Variants in CDKAL1 observed in about 807,000 individuals in gnomAD.
CDKAL1 encodes the protein CDKAL1 threonylcarbamoyladenosine tRNA methylthiotransferase, also known as threonylcarbamoyladenosine tRNA methylthiotransferase.
In CDKAL1, 32 loss-of-function variants were observed where a neutral mutation model predicts 68.2. That is an observed-to-expected ratio of 0.47 (90% CI 0.35 to 0.63). The LOEUF (loss-of-function observed/expected upper bound fraction) is 0.63, where lower values mean the gene tolerates loss of function less well. CDKAL1 is among the 30% of genes least tolerant of loss of function. The pLI is 0.00. For synonymous variants in CDKAL1, 234 were observed against 244.3 expected, an observed-to-expected ratio of 0.96 and a Z score of 0.39; for missense variants, 606 against 696.7, an observed-to-expected ratio of 0.87 and a Z score of 1.47.
Position 21,178,842 on chromosome 6 carries a change from G to A in CDKAL1, c.1300-19179G>A, listed in dbSNP as rs1207282456. ...AGAGGACTTACCTAAGCACAGGAGG[G>A]CTTGAAGCCGAACTCCAACCTCTGC... On this transcript the variant is annotated intron_variant, in intron 13 of 15. Coordinates refer to ENST00000274695, the MANE Select transcript of CDKAL1 (RefSeq NM_017774.3). Among the ~76,000 whole-genome samples the A allele has an allele frequency of 2.0e-5, 3 of 152,330 alleles. No homozygotes were observed. In the East Asian group the frequency reaches 5.8e-4, roughly 29 times the overall value.
At chr6:20,724,201 G>A (rs775616081) in intron 5 of CDKAL1, among the ~76,000 whole-genome samples, 2 of 152,006 alleles carry the variant, frequency 1.3e-5, no homozygotes, top group Non-Finnish European at 2.9e-5. Flanking sequence ...GCCTCCCAAA[G>A]TGCTGGGATT....
intron 5 of CDKAL1, among the ~76,000 whole-genome samples, chr6:20,708,573 T>C (rs1458956069): frequency 6.6e-6 from 1 of 152,174 alleles, no homozygotes; most frequent in Non-Finnish European, 1.5e-5. Context: ...TGGTTTGAAG[T>C]AGGTTTTTTA....
At chr6:20,827,608 A>G (rs553866434) in intron 8 of CDKAL1, among the ~76,000 whole-genome samples, 1 of 150,926 alleles carries the variant, frequency 6.6e-6, no homozygotes, top group Non-Finnish European at 1.5e-5. Context: ...TTTTAGACAT[A>G]AAAAAAAAGG....
intron 9 of CDKAL1, among the ~76,000 whole-genome samples, chr6:20,858,804 G>A (rs934308719): frequency 6.6e-6 from 1 of 151,980 alleles, no homozygotes; most frequent in African/African-American, 2.4e-5. Context: ...TGTAATGTAT[G>A]TAATGTATGA....
intron 10 of CDKAL1, among the ~76,000 whole-genome samples, chr6:20,995,648 C>T (rs201341): frequency 0.096 from 14,587 of 152,190 alleles, 807 homozygotes; most frequent in Middle Eastern, 0.16. Flanking sequence ...CATGTGCTCT[C>T]ACCAGGCTTT....
At chr6:20,758,729 C>A in intron 7 of CDKAL1, 86 bp downstream of exon 7, 3 of 941,386 alleles carry the variant, frequency 3.2e-6, no homozygotes, top group Non-Finnish European at 4.8e-6. Flanking sequence ...TTGCCAGGCA[C>A]CTTTATAAAA....
chr6:20,741,015 G>T (rs1415267864), intron 6 of CDKAL1, among the ~76,000 whole-genome samples: 1 of 152,090 alleles, frequency 6.6e-6, no homozygotes, highest in African/African-American at 2.4e-5. Context: ...TCATCTCAAG[G>T]AATTACGTTA....
At chr6:20,728,544 T>C (rs1772757908) in intron 5 of CDKAL1, among the ~76,000 whole-genome samples, 1 of 152,158 alleles carries the variant, frequency 6.6e-6, no homozygotes, top group Non-Finnish European at 1.5e-5. Flanking sequence ...TGGAGCTTGG[T>C]AACCCCTAGC....
chr6:20,536,822 A>G (rs1763191512), intron 2 of CDKAL1, among the ~76,000 whole-genome samples: 1 of 152,230 alleles, frequency 6.6e-6, no homozygotes, highest in African/African-American at 2.4e-5. Context: ...AAAAACTGAA[A>G]AAGAAAAAAT....
At chr6:20,919,149 G>A (rs1227534066) in intron 9 of CDKAL1, among the ~76,000 whole-genome samples, 1 of 152,120 alleles carries the variant, frequency 6.6e-6, no homozygotes, top group African/African-American at 2.4e-5. Flanking sequence ...AGTCAGGATG[G>A]GGTCTACAGC....
chr6:21,118,154 A>C (rs1434368761), intron 13 of CDKAL1, among the ~76,000 whole-genome samples: 1 of 152,236 alleles, frequency 6.6e-6, no homozygotes, highest in Non-Finnish European at 1.5e-5. Flanking sequence ...ACATTTTATC[A>C]TAAAATATAA....
chr6:21,176,686 T>TC, intron 13 of CDKAL1, among the ~76,000 whole-genome samples: 1 of 137,248 alleles, frequency 7.3e-6, no homozygotes, highest in African/African-American at 2.8e-5. Context: ...ATGTTGGTTT[T>TC]TTTTTTTTTG....
chr6:21,084,460 G>A (rs895207675), intron 12 of CDKAL1, among the ~76,000 whole-genome samples: 1 of 152,132 alleles, frequency 6.6e-6, no homozygotes, highest in Non-Finnish European at 1.5e-5. Flanking sequence ...AAATTCAGTT[G>A]ATGAATTTTT....
At chr6:20,585,495 T>G (rs193140454) in intron 4 of CDKAL1, among the ~76,000 whole-genome samples, 42 of 152,354 alleles carry the variant, frequency 2.8e-4, no homozygotes, top group African/African-American at 9.6e-4. Flanking sequence ...TGTTTCTAGT[T>G]CACTCTACGG....
chr6:21,081,778 A>G (rs1221765920), intron 12 of CDKAL1, among the ~76,000 whole-genome samples: 1 of 151,636 alleles, frequency 6.6e-6, no homozygotes, highest in African/African-American at 2.4e-5. Context: ...GGGTTTTCCC[A>G]TGTTGGACAG....
intron 15 of CDKAL1, among the ~76,000 whole-genome samples, chr6:21,207,939 C>T (rs76715521): frequency 0.18 from 27,127 of 152,102 alleles, 2,575 homozygotes; most frequent in Non-Finnish European, 0.19. Flanking sequence ...GACAAATTAA[C>T]AGAAGGAGAT....
chr6:21,127,597 A>G (rs1582256264), intron 13 of CDKAL1, among the ~76,000 whole-genome samples: 1 of 152,242 alleles, frequency 6.6e-6, no homozygotes, highest in Non-Finnish European at 1.5e-5. Flanking sequence ...TAAAAATACA[A>G]AAATTAGCTG....
At chr6:20,583,556 A>G (rs544750016) in intron 4 of CDKAL1, among the ~76,000 whole-genome samples, 133 of 152,302 alleles carry the variant, frequency 8.7e-4, no homozygotes, top group African/African-American at 3.0e-3. Flanking sequence ...TACGGAACAA[A>G]AACATTTAGT....
intron 11 of CDKAL1, among the ~76,000 whole-genome samples, chr6:21,063,132 C>T (rs1417340123): frequency 1.3e-5 from 2 of 152,144 alleles, no homozygotes; most frequent in Non-Finnish European, 2.9e-5. Context: ...CCAGGCTGGT[C>T]TCGAACTCCT....
Sources: gnomAD v4.1 joint callset for allele counts (sites outside exome capture counted in the v4.1 genomes callset) on GRCh38, gnomAD v4.1.1 for gene constraint, MANE v1.5 for transcripts, NCBI Gene and HGNC (gene_info 2026-07-23, HGNC 2026-07-21) for gene names.